DNAH5: variants seen among roughly 807,000 people sequenced by gnomAD.
The protein encoded by DNAH5 is dynein axonemal heavy chain 5.
Under a neutral mutation model 518.2 loss-of-function variants are expected in DNAH5, and 372 were observed. The ratio of observed to expected loss-of-function variants is 0.72; its 90% CI spans 0.66 to 0.78. The LOEUF (loss-of-function observed/expected upper bound fraction) is 0.78. Among genes scored for constraint, DNAH5 ranks in the 30% least tolerant of loss-of-function variants. The pLI is 0.00. For missense variants in DNAH5, 5,523 were observed against 5,687.0 expected (o/e 0.97, Z 0.93); for synonymous variants, 2,039 against 2,025.9 (o/e 1.01, Z -0.17).
chr5:13,823,458 G>A (rs147852907), intron 39 of DNAH5, 88 bp from the exon 40 acceptor site: 78 of 844,688 alleles, frequency 9.2e-5, no homozygotes, highest in South Asian at 6.8e-4. Flanking sequence ...AACACAGTCC[G>A]GGTTATTGCA....
At chr5:13,908,473 A>C (rs1321421134) in intron 12 of DNAH5, among the ~76,000 whole-genome samples, 1 of 152,100 alleles carries the variant, frequency 6.6e-6, no homozygotes, top group Non-Finnish European at 1.5e-5. Context: ...GCCTGGGCTG[A>C]ACTCTCTGTC....
chr5:13,933,711 AC>A (rs1426484933), intron 1 of DNAH5, among the ~76,000 whole-genome samples: 2 of 147,520 alleles, frequency 1.4e-5, no homozygotes, highest in Admixed American at 1.4e-4. Flanking sequence ...AATCACTTGA[AC>A]CCAAAAAGCA....
At chr5:13,723,968 A>G (rs1182415290) in intron 70 of DNAH5, among the ~76,000 whole-genome samples, 1 of 152,210 alleles carries the variant, frequency 6.6e-6, no homozygotes, top group East Asian at 1.9e-4. Context: ...ATTGGCTCCA[A>G]GCCTAAGGGT....
chr5:13,795,765 C>A (rs571247327), intron 47 of DNAH5, among the ~76,000 whole-genome samples: 10 of 152,212 alleles, frequency 6.6e-5, no homozygotes, highest in South Asian at 2.1e-4. Context: ...AGTTTTAGAC[C>A]AATATCCCTG....
At position 13,792,087 on chromosome 5, in the gene DNAH5, A is replaced by T; in HGVS notation, c.8355T>A (p.Pro2785=). The T allele has an allele frequency of 1.9e-6, 3 of 1,614,050 alleles. No homozygotes were observed. The highest frequency in any genetic ancestry group is 8.5e-7 in the Non-Finnish European group (1 of 1,179,988). Residue 2785 remains proline (P), a synonymous_variant, in exon 50 of 79, where the codon CCT becomes CCA. Transcript: ENST00000265104. ...GGTTAAACACATAATGGAATTTTGCAGGGGTAGGAAGCATTTTAATCTTGG... is the reference window on the plus strand; with the variant it reads ...GGTTAAACACATAATGGAATTTTGCTGGGGTAGGAAGCATTTTAATCTTGG... ...QMTKIKMLPT[P]AKFHYVFNLR...
In DNAH5 at chr5:13,814,941, G is replaced by T. The variant is rs6890823; in HGVS notation, c.6989-95C>A. The stretch of plus-strand genomic sequence containing the variant: ...AATAGCTTGAAGAACTATTATATTA[G>T]ATGTAATTTTCATTAATTTTTAAAT... On this transcript the variant is annotated intron_variant, in intron 42 of 78. Transcript: ENST00000265104. The T allele has an allele frequency of 0.2, 233,069 of 1,137,054 alleles. 26,767 individuals carry two copies. The highest frequency in any genetic ancestry group is 0.5 in the East Asian group (19,456 of 39,048). The allele number at this position is 1,137,054 out of a possible 1,614,324, so 70.4% of individuals were successfully genotyped here.
At chr5:13,997,901 T>C (rs1007159716) in intron 1 of DNAH5, among the ~76,000 whole-genome samples, 7 of 151,362 alleles carry the variant, frequency 4.6e-5, no homozygotes, top group Non-Finnish European at 1.0e-4. Flanking sequence ...TGGAGTGCCA[T>C]GGCGTGATCT....
intron 3 of DNAH5, among the ~76,000 whole-genome samples, chr5:13,927,778 G>GCCC (rs756133278): frequency 7.2e-5 from 11 of 152,238 alleles, no homozygotes; most frequent in Non-Finnish European, 1.5e-4. Context: ...ATAAGAAAAG[G>GCCC]AAGTCAAACG....
At chr5:13,982,668 G>A (rs112262190) in intron 1 of DNAH5, among the ~76,000 whole-genome samples, 1 of 136,380 alleles carries the variant, frequency 7.3e-6, no homozygotes, top group African/African-American at 2.9e-5. Context: ...TATTGCATGA[G>A]TGAGTAGACA....
At chr5:13,789,593 T>C (rs745600455) in intron 50 of DNAH5, among the ~76,000 whole-genome samples, 1 of 152,228 alleles carries the variant, frequency 6.6e-6, no homozygotes, top group Admixed American at 6.5e-5. Flanking sequence ...TTTAAGCCAT[T>C]GCATTACTAA....
At chr5:13,867,554 C>T (rs1244334056) in intron 25 of DNAH5, among the ~76,000 whole-genome samples, 1 of 151,960 alleles carries the variant, frequency 6.6e-6, no homozygotes, top group East Asian at 1.9e-4. Flanking sequence ...TACCCAGTCT[C>T]GAGCAGTTCT....
At chr5:13,866,080 C>T (rs560566834) in intron 26 of DNAH5, 140 bp downstream of exon 26, 2 of 908,826 alleles carry the variant, frequency 2.2e-6, no homozygotes, top group South Asian at 3.1e-5. Context: ...AATTGTAATC[C>T]TACAATATCG....
At chr5:13,729,667 T>A in intron 68 of DNAH5, 107 bp from the exon 69 acceptor site, 1 of 975,746 alleles carries the variant, frequency 1.0e-6, no homozygotes, top group South Asian at 1.7e-5. Flanking sequence ...CTACTTTCAC[T>A]TTTTTAAGCA....
At chr5:13,849,351 T>C (rs887497591) in intron 31 of DNAH5, among the ~76,000 whole-genome samples, 2 of 152,224 alleles carry the variant, frequency 1.3e-5, no homozygotes, top group Admixed American at 1.3e-4. Flanking sequence ...TCCATTCCCT[T>C]AGTTCCCTGA....
At chr5:13,761,606 A>G (rs1216560145) in intron 60 of DNAH5, among the ~76,000 whole-genome samples, 1 of 151,604 alleles carries the variant, frequency 6.6e-6, no homozygotes, top group Non-Finnish European at 1.5e-5. Flanking sequence ...AAAAAAAAAA[A>G]GACACTATGC....
chr5:13,901,644 T>C lies in DNAH5; in HGVS notation c.1731-71A>G, dbSNP rs1434849817. 5.5e-6 allele frequency: 5 copies of C among 905,796 alleles called. No individual in the cohort carries two copies. In the Admixed American group the frequency reaches 1.2e-4, roughly 21 times the overall value. The allele number at this position is 905,796 out of a possible 1,614,324, so 56.1% of individuals were successfully genotyped here. A position where few individuals can be genotyped will look rare whatever the true frequency, so the allele number is the denominator to read the frequency against. Reference sequence around the variant, plus strand: ...AAATAAAATACACAATAAAAATATCTAGTAATCTCATTTATTAATATTTAT... The same window carrying C: ...AAATAAAATACACAATAAAAATATCCAGTAATCTCATTTATTAATATTTAT... On this transcript the variant is annotated intron_variant, in intron 13 of 78. Coordinates refer to ENST00000265104, the MANE Select transcript of DNAH5 (RefSeq NM_001369.3).
intron 22 of DNAH5, among the ~76,000 whole-genome samples, chr5:13,872,318 T>C (rs1328873621): frequency 6.6e-6 from 1 of 152,138 alleles, no homozygotes; most frequent in African/African-American, 2.4e-5. Context: ...CAATGAGAGA[T>C]TGCCTGGAAT....
In DNAH5 at chr5:13,793,570, C is replaced by T. The variant is rs141660849; in HGVS notation, c.8169G>A (p.Gln2723=). 9 of 1,614,132 alleles carry T rather than the reference C, an allele frequency of 5.6e-6. No individual in the cohort carries two copies. The highest frequency in any genetic ancestry group is 7.6e-6 in the Non-Finnish European group (9 of 1,180,026). Residue 2723 remains glutamine (Q), a synonymous_variant, in exon 49 of 79, where the codon CAG becomes CAA. Transcript: ENST00000265104. ...GCAACGTGCAATTAAATATAGAGAACTGCCTCTTGAGTCTTTGGGGTATGT... is the reference window on the plus strand; with the variant it reads ...GCAACGTGCAATTAAATATAGAGAATTGCCTCTTGAGTCTTTGGGGTATGT... The part of the protein sequence containing the change: ...RNDIPQRLKR[Q]FSIFNCTLPS...
intron 65 of DNAH5, among the ~76,000 whole-genome samples, chr5:13,738,674 A>G (rs1374723907): frequency 6.6e-6 from 1 of 152,094 alleles, no homozygotes; most frequent in Non-Finnish European, 1.5e-5. Flanking sequence ...GGGGTGGGAG[A>G]AGGAGAAATA....
Sources: allele counts gnomAD v4.1 joint callset (sites outside exome capture counted in the v4.1 genomes callset), GRCh38; gene constraint gnomAD v4.1.1; transcripts MANE v1.5; gene names NCBI Gene and HGNC (gene_info 2026-07-23, HGNC 2026-07-21).